NLRP5: variants seen among roughly 807,000 people sequenced by gnomAD.
The protein encoded by NLRP5 is NACHT, LRR and PYD domains-containing protein 5.
A neutral mutation model predicts 113.1 loss-of-function variants in NLRP5; 93 were observed. That is an observed-to-expected ratio of 0.82 (90% CI 0.70 to 0.98). NLRP5 has a LOEUF of 0.98. NLRP5 is among the 50% of genes least tolerant of loss of function. The pLI, the probability that NLRP5 is intolerant of heterozygous loss-of-function variation, is 0.00. For missense variants in NLRP5, 1,808 were observed against 1,514.3 expected (o/e 1.19, Z -3.22); for synonymous variants, 751 against 600.7 (o/e 1.25, Z -3.66).
intron 10 of NLRP5, among the ~76,000 whole-genome samples, chr19:56,040,538 G>A (rs971915702): frequency 2.6e-5 from 4 of 152,156 alleles, no homozygotes; most frequent in African/African-American, 9.7e-5. Context: ...CTGCACTCCA[G>A]CCTGGGCAAC....
At chr19:56,010,572 C>T (rs780687921) in intron 3 of NLRP5, among the ~76,000 whole-genome samples, 2 of 147,400 alleles carry the variant, frequency 1.4e-5, no homozygotes, top group Non-Finnish European at 3.0e-5. Context: ...TGGAGACACC[C>T]CATGTCTACT....
the NLRP5 span, among the ~76,000 whole-genome samples, chr19:55,987,338 C>T: frequency 2.0e-5 from 3 of 152,218 alleles, no homozygotes; most frequent in Non-Finnish European, 4.4e-5. Flanking sequence ...CCACTGCACT[C>T]CAGCGTGGGT....
In NLRP5 at chr19:56,010,742, C is replaced by CCAAAAAAAAAAAAAAAAAAAAAAAAAA. The variant is rs1555764914; in HGVS notation, c.508+1889_508+1890insCAAAAAAAAAAAAAAAAAAAAAAAAAA. ...GGGAAACAAGAGCTTAACTCTGTCT[C>CCAAAAAAAAAAAAAAAAAAAAAAAAAA]AAAAAAAAAAAAAGTCCCTTGAAAC... is the stretch of plus-strand genomic sequence containing the variant. On this transcript the variant is annotated intron_variant, in intron 3 of 14. Transcript: ENST00000390649. Among the ~76,000 whole-genome samples the CCAAAAAAAAAAAAAAAAAAAAAAAAAA allele has an allele frequency of 6.5e-4, 27 of 41,280 alleles. 3 individuals are homozygous for CCAAAAAAAAAAAAAAAAAAAAAAAAAA. Among genetic ancestry groups the CCAAAAAAAAAAAAAAAAAAAAAAAAAA allele is most frequent in the African/African-American group, 2.7e-3 (26 of 9,610 alleles). The allele number at this position is 41,280 out of a possible 152,430, so 27.1% of individuals were successfully genotyped here.
intron 3 of NLRP5, among the ~76,000 whole-genome samples, chr19:56,010,755 A>AAAAAAAAAAAAAAAAAAAAAAAAAAT (rs78321861): frequency 1.6e-5 from 2 of 125,982 alleles, no homozygotes; most frequent in African/African-American, 6.0e-5. Flanking sequence ...AAAAAAAAAA[A>AAAAAAAAAAAAAAAAAAAAAAAAAAT]GTCCCTTGAA....
At chr19:56,028,613 C>T in intron 7 of NLRP5, 104 bp downstream of exon 7, 1 of 1,142,760 alleles carries the variant, frequency 8.8e-7, no homozygotes, top group Middle Eastern at 3.0e-4. Context: ...CCAGAGAATT[C>T]TTTCAGGATG....
At chr19:56,018,187 T>G (rs183461927) in intron 4 of NLRP5, among the ~76,000 whole-genome samples, 11 of 152,332 alleles carry the variant, frequency 7.2e-5, no homozygotes, top group African/African-American at 2.6e-4. Context: ...GCCTGTAACT[T>G]GATTCCCATG....
At chr19:56,045,789 G>A (rs1983701532) in intron 11 of NLRP5, among the ~76,000 whole-genome samples, 1 of 152,208 alleles carries the variant, frequency 6.6e-6, no homozygotes, top group African/African-American at 2.4e-5. Context: ...CAAGGTGGGA[G>A]GGGTCACAGG....
the NLRP5 span, among the ~76,000 whole-genome samples, chr19:55,991,235 A>T: frequency 1.3e-5 from 2 of 152,210 alleles, no homozygotes; most frequent in Non-Finnish European, 2.9e-5. Flanking sequence ...AATGTAAAGT[A>T]GGAATTCATG....
chr19:56,042,270 TACAG>T (rs59468000), intron 11 of NLRP5, among the ~76,000 whole-genome samples: 2,411 of 152,298 alleles, frequency 0.016, 62 homozygotes, highest in African/African-American at 0.055. Context: ...TTGCTAGTGA[TACAG>T]ACACAATACA....
chr19:56,034,472 C>A (rs982444025), intron 9 of NLRP5, among the ~76,000 whole-genome samples: 2 of 152,176 alleles, frequency 1.3e-5, no homozygotes, highest in African/African-American at 4.8e-5. Flanking sequence ...GGAAACAGAT[C>A]CTGGTATGGT....
chr19:55,999,685 C>T (rs1474648198), upstream of NLRP5: 2 of 1,475,812 alleles, frequency 1.4e-6, no homozygotes, highest in Non-Finnish European at 1.9e-6. Flanking sequence ...AGAGGAGAGC[C>T]CAGCCTTCGA....
rs1982898855 is a variant in NLRP5, at chr19:56,027,279, A to G, written c.1046A>G (p.Glu349Gly). 6 of 1,611,988 alleles carry G rather than the reference A, an allele frequency of 3.7e-6. No homozygotes were observed. The highest frequency in any genetic ancestry group is 5.1e-6 in the Non-Finnish European group (6 of 1,179,874). The change falls in exon 7 of 15, where the codon GAG (glutamate) becomes GGG (glycine). Residue 349 changes from glutamate to glycine, a missense_variant. By Grantham distance (98) the Glu-to-Gly change is moderately conservative (BLOSUM62 -2). Transcript: ENST00000390649. ...CCAGACTCCCAGGCTCCGGTGACGG[A>G]GATCATGTCCCGACCAGAAAGGCTG...
chr19:56,050,664 C>T, intron 12 of NLRP5, 76 bp downstream of exon 12: 2 of 1,432,084 alleles, frequency 1.4e-6, no homozygotes, highest in Non-Finnish European at 1.9e-6. Flanking sequence ...GAGATAGGAG[C>T]AGGGAGACCG....
intron 4 of NLRP5, among the ~76,000 whole-genome samples, chr19:56,017,016 G>GC (rs1478575364): frequency 6.6e-6 from 1 of 152,014 alleles, no homozygotes; most frequent in Non-Finnish European, 1.5e-5. Flanking sequence ...ACCGTGTTAG[G>GC]CAGGATGGTC....
At chr19:56,041,396 C>T (rs1983517405) in intron 11 of NLRP5, among the ~76,000 whole-genome samples, 1 of 152,122 alleles carries the variant, frequency 6.6e-6, no homozygotes, top group Non-Finnish European at 1.5e-5. Flanking sequence ...AGCCATTGCC[C>T]CTGGGAGAGG....
intron 11 of NLRP5, among the ~76,000 whole-genome samples, chr19:56,049,068 G>A (rs1490387392): frequency 7.1e-6 from 1 of 141,620 alleles, no homozygotes; most frequent in Non-Finnish European, 1.5e-5. Context: ...TGCAACCTCC[G>A]CCTCCTGGAC....
At chr19:56,009,496 A>G (rs1982098946) in intron 3 of NLRP5, among the ~76,000 whole-genome samples, 1 of 152,086 alleles carries the variant, frequency 6.6e-6, no homozygotes, top group Admixed American at 6.6e-5. Context: ...ATCAGATAGC[A>G]TGAAACCAGA....
At chr19:56,050,631 G>A (rs773631479) in intron 12 of NLRP5, 43 bp downstream of exon 12, 2 of 1,573,362 alleles carry the variant, frequency 1.3e-6, no homozygotes, top group South Asian at 1.1e-5. Context: ...TCATACTGGG[G>A]TCTGGAGTTC....
Position 56,033,588 on chromosome 19 carries a change from A to G in NLRP5, c.2494A>G (p.Ile832Val). Residue 832 changes from isoleucine (I) to valine (V), a missense_variant, in exon 9 of 15, where the codon ATC (isoleucine) becomes GTC (valine). Ile to Val is a conservative substitution (Grantham distance 29, BLOSUM62 3). Coordinates refer to ENST00000390649, the MANE Select transcript of NLRP5 (RefSeq NM_153447.4). ...CCCTGGTGTGCAGCACCTCTGGAGA[A>G]TCGTCATGGCCAACCGTAACCTAAG... is the stretch of plus-strand genomic sequence containing the variant. 1.2e-6 allele frequency: 2 copies of G among 1,613,902 alleles called. No individual in the cohort carries two copies. Among genetic ancestry groups the G allele is most frequent in the Non-Finnish European group, 1.7e-6 (2 of 1,179,812 alleles).
Sources: gnomAD v4.1 joint callset for allele counts (sites outside exome capture counted in the v4.1 genomes callset) on GRCh38, gnomAD v4.1.1 for gene constraint, MANE v1.5 for transcripts, NCBI Gene and HGNC (gene_info 2026-07-23, HGNC 2026-07-21) for gene names.